Variants in RIC8B observed in about 807,000 individuals in gnomAD.
The protein encoded by RIC8B is chaperone Ric-8B.
Under a neutral mutation model 57.5 loss-of-function variants are expected in RIC8B, and 16 were observed. That is an observed-to-expected ratio of 0.28 (90% CI 0.19 to 0.42). RIC8B has a LOEUF of 0.42. Among genes scored for constraint, RIC8B ranks in the 10% least tolerant of loss-of-function variants. RIC8B has a pLI of 1.00. For synonymous variants in RIC8B, 216 were observed against 250.8 expected, an observed-to-expected ratio of 0.86 and a Z score of 1.31; for missense variants, 481 against 677.0, an observed-to-expected ratio of 0.71 and a Z score of 3.21.
chr12:106,823,082 T>C (rs1452405794), intron 3 of RIC8B: 6 of 158,728 alleles, frequency 3.8e-5, no homozygotes, highest in Admixed American at 1.2e-4. Context: ...TTTGTGCACT[T>C]TTCTGTATGT....
At chr12:106,836,296 T>C (rs2046597068) in intron 4 of RIC8B, among the ~76,000 whole-genome samples, 1 of 152,150 alleles carries the variant, frequency 6.6e-6, no homozygotes, top group Non-Finnish European at 1.5e-5. Flanking sequence ...TCTAATACAG[T>C]CTTCTCTTTA....
At chr12:106,774,939 C>T (rs773760287) in intron 1 of RIC8B, 110 bp downstream of exon 1, 8 of 818,842 alleles carry the variant, frequency 9.8e-6, no homozygotes, top group Non-Finnish European at 1.3e-5. Context: ...GCATTGCTCT[C>T]CCCCGAAAAC....
At chr12:106,797,476 G>A (rs184240777) in intron 2 of RIC8B, among the ~76,000 whole-genome samples, 9 of 152,278 alleles carry the variant, frequency 5.9e-5, no homozygotes, top group Admixed American at 5.9e-4. Flanking sequence ...TAGATTCATA[G>A]TTGCCAGGGG....
At chr12:106,845,709 A>T (rs1949157181) in intron 6 of RIC8B, among the ~76,000 whole-genome samples, 2 of 152,026 alleles carry the variant, frequency 1.3e-5, no homozygotes, top group African/African-American at 4.8e-5. Flanking sequence ...TTCTATTTCT[A>T]TGCTCCTCTT....
chr12:106,884,676 C>T (rs1050447400), intron 9 of RIC8B, among the ~76,000 whole-genome samples: 1 of 152,190 alleles, frequency 6.6e-6, no homozygotes, highest in African/African-American at 2.4e-5. Flanking sequence ...TCAAACACTT[C>T]GAAGTTGTCT....
intron 1 of RIC8B, among the ~76,000 whole-genome samples, chr12:106,780,117 T>C (rs1460242191): frequency 6.6e-6 from 1 of 152,122 alleles, no homozygotes; most frequent in Non-Finnish European, 1.5e-5. Flanking sequence ...AGTAGTATCA[T>C]GATTCTTTAC....
At chr12:106,868,226 C>T in intron 8 of RIC8B, 1 of 449,280 alleles carries the variant, frequency 2.2e-6, no homozygotes, top group Non-Finnish European at 4.5e-6. Flanking sequence ...ATTTTTTTCC[C>T]TGAAGCATGT....
At chr12:106,779,681 ATTTT>A (rs374606156) in intron 1 of RIC8B, among the ~76,000 whole-genome samples, 1 of 137,452 alleles carries the variant, frequency 7.3e-6, no homozygotes, top group Admixed American at 7.3e-5. Flanking sequence ...ACAAAAAAAA[ATTTT>A]TTTTTTTTTT....
At chr12:106,866,437 G>C (rs1950144005) in intron 8 of RIC8B, among the ~76,000 whole-genome samples, 1 of 151,700 alleles carries the variant, frequency 6.6e-6, no homozygotes, top group South Asian at 2.1e-4. Flanking sequence ...ATTGTTTTTT[G>C]GGGGAGCAGT....
intron 9 of RIC8B, among the ~76,000 whole-genome samples, chr12:106,873,794 T>C (rs1950549546): frequency 1.3e-5 from 2 of 152,202 alleles, no homozygotes; most frequent in Non-Finnish European, 2.9e-5. Context: ...TCATTCTGTC[T>C]GGATGATTCA....
At chr12:106,803,089 C>G (rs954107408) in intron 2 of RIC8B, among the ~76,000 whole-genome samples, 1 of 151,574 alleles carries the variant, frequency 6.6e-6, no homozygotes, top group Non-Finnish European at 1.5e-5. Flanking sequence ...AATTGGACCT[C>G]TATTCCTAGC....
At chr12:106,863,915 CTTTT>C (rs779144251) in intron 8 of RIC8B, among the ~76,000 whole-genome samples, 1 of 151,964 alleles carries the variant, frequency 6.6e-6, no homozygotes. Flanking sequence ...ATTTTGAGGT[CTTTT>C]TTGTTTTATT....
rs1255856079 is a variant in RIC8B, at chr12:106,860,353, T to C, written c.1392T>C (p.Asp464=). The C allele has an allele frequency of 1.9e-6, 3 of 1,607,550 alleles. No individual in the cohort carries two copies. The highest frequency in any genetic ancestry group is 2.5e-6 in the Non-Finnish European group (3 of 1,176,750). ...GCCTCTTGGCTGGAGGAAGAGGAGATAATTGGTACTCAGAGGATGAGGACA... is the reference window on the plus strand; with the variant it reads ...GCCTCTTGGCTGGAGGAAGAGGAGACAATTGGTACTCAGAGGATGAGGACA... ...ARGLLAGGRG[D]NWYSEDEDTD... Residue 464 remains aspartate, a synonymous_variant, in exon 8 of 10, where the codon GAT becomes GAC. Transcript: ENST00000392837.
At chr12:106,846,459 A>G (rs1949190361) in intron 6 of RIC8B, among the ~76,000 whole-genome samples, 1 of 152,204 alleles carries the variant, frequency 6.6e-6, no homozygotes, top group South Asian at 2.1e-4. Context: ...GAGAGATTAG[A>G]AAATAGAGAC....
intron 3 of RIC8B, among the ~76,000 whole-genome samples, chr12:106,820,802 A>G (rs189843411): frequency 1.7e-4 from 26 of 152,372 alleles, no homozygotes; most frequent in Non-Finnish European, 3.1e-4. Flanking sequence ...GGAAATATGC[A>G]GTAGTAGAAT....
At chr12:106,868,105 G>A (rs1342778404) in intron 8 of RIC8B, among the ~76,000 whole-genome samples, 1 of 152,166 alleles carries the variant, frequency 6.6e-6, no homozygotes. Flanking sequence ...GCTCTTAAGA[G>A]AACCAAGAAA....
rs987506370 is a variant in RIC8B, at chr12:106,851,429, T to C, written c.1162-21T>C. The stretch of plus-strand genomic sequence containing the variant: ...CTCTAGTAGCCTCGATTGATGATGG[T>C]TTTTGCATTTGTGCCATCAGGTTTT... On this transcript the variant is annotated intron_variant, in intron 6 of 9. Coordinates refer to ENST00000392837, the MANE Select transcript of RIC8B (RefSeq NM_001330145.2). 7 of 1,610,102 alleles carry C rather than the reference T, an allele frequency of 4.3e-6. No homozygotes were observed. In the African/African-American group the frequency reaches 9.4e-5, roughly 22 times the overall value.
chr12:106,850,147 T>C (rs562056561), intron 6 of RIC8B, among the ~76,000 whole-genome samples: 1 of 152,346 alleles, frequency 6.6e-6, no homozygotes, highest in South Asian at 2.1e-4. Flanking sequence ...TATGAGAATC[T>C]AATGCCTGAT....
intron 2 of RIC8B, among the ~76,000 whole-genome samples, 180 bp from the exon 3 acceptor site, chr12:106,814,516 T>A (rs1355467360): frequency 6.6e-6 from 1 of 152,220 alleles, no homozygotes; most frequent in East Asian, 1.9e-4. Flanking sequence ...TCAAACTGAT[T>A]GTCTTCCATC....
Sources: gnomAD v4.1 joint callset for allele counts (sites outside exome capture counted in the v4.1 genomes callset) on GRCh38, gnomAD v4.1.1 for gene constraint, MANE v1.5 for transcripts, NCBI Gene and HGNC (gene_info 2026-07-23, HGNC 2026-07-21) for gene names.